Variants in MRTFB observed in about 807,000 individuals in gnomAD.
MRTFB encodes myocardin-related transcription factor B.
Under a neutral mutation model 104.2 loss-of-function variants are expected in MRTFB, and 29 were observed. That is an observed-to-expected ratio of 0.28 (90% CI 0.21 to 0.38). MRTFB has a LOEUF of 0.38. Ranked by LOEUF, MRTFB falls within the 10% of genes least tolerant of loss-of-function variation. The pLI is 1.00. For synonymous variants in MRTFB, 535 were observed against 519.5 expected (o/e 1.03, Z -0.41); for missense variants, 1,270 against 1,341.6 (o/e 0.95, Z 0.83).
rs984858124 is a variant in MRTFB at position 14,265,098 on chromosome 16, A to G, written c.*3654A>G. The G allele has an allele frequency of 1.3e-5, 2 of 152,178 alleles. No individual in the cohort carries two copies. Among genetic ancestry groups the G allele is most frequent in the Non-Finnish European group, 2.9e-5 (2 of 68,028 alleles). 9.4% of individuals were successfully genotyped at this position (152,178 alleles called of 1,614,324 possible). ...TATACATCCTCACTGGCTTCCATGC[A>G]CCCACCTGACGGTAGCCTCACAGAA... On this transcript the variant is annotated 3_prime_UTR_variant, in exon 17 of 17. Transcript: ENST00000571589.
chr16:14,255,643 G>A (rs538828286), intron 15 of MRTFB, among the ~76,000 whole-genome samples: 2 of 152,296 alleles, frequency 1.3e-5, no homozygotes, highest in South Asian at 4.1e-4. Context: ...AGCATGTGTA[G>A]ACAATACTTA....
chr16:14,127,088 C>T (rs1350963163), intron 2 of MRTFB, among the ~76,000 whole-genome samples: 1 of 152,144 alleles, frequency 6.6e-6, no homozygotes, highest in Non-Finnish European at 1.5e-5. Flanking sequence ...TGCCCATAGT[C>T]ACGATTTTTG....
the MRTFB span, among the ~76,000 whole-genome samples, chr16:14,037,317 T>C: frequency 6.6e-6 from 1 of 152,222 alleles, no homozygotes; most frequent in East Asian, 1.9e-4. Context: ...TGGTTATTGT[T>C]ATGGCAATGG....
intron 2 of MRTFB, among the ~76,000 whole-genome samples, chr16:14,112,159 GAAA>G (rs2036303167): frequency 6.6e-6 from 1 of 152,174 alleles, no homozygotes; most frequent in Admixed American, 6.5e-5. Context: ...CCCTGAAGCA[GAAA>G]GAGTAAGAGC....
In MRTFB at chr16:14,247,142, G is replaced by C; in HGVS notation, c.1882G>C (p.Asp628His). The change falls in exon 12 of 17, where the codon GAT becomes CAT. Residue 628 changes from aspartate to histidine, a missense_variant. Physicochemically the swap from Asp to His is moderately conservative, Grantham distance 81 (BLOSUM62 -1). Coordinates refer to ENST00000571589, the MANE Select transcript of MRTFB (RefSeq NM_001308142.2). Reference protein sequence around the residue: ...PSAPGHSVKSDQKHGSLGSSI... With the variant: ...PSAPGHSVKSHQKHGSLGSSI... ...TGCCCCAGGTCATTCTGTCAAGTCA[G>C]ATCAGAAGCACGGCAGCCTTGGCTC... 1.2e-6 allele frequency: 2 copies of C among 1,614,176 alleles called. No homozygotes were observed. Among genetic ancestry groups the C allele is most frequent in the Non-Finnish European group, 1.7e-6 (2 of 1,180,038 alleles).
At chr16:14,078,498 T>C (rs993700315) in intron 1 of MRTFB, among the ~76,000 whole-genome samples, 3 of 152,124 alleles carry the variant, frequency 2.0e-5, no homozygotes, top group South Asian at 2.1e-4. Context: ...GGCACAGTTA[T>C]GGCTTACTGC....
At chr16:14,153,635 T>A (rs955601144) in intron 3 of MRTFB, among the ~76,000 whole-genome samples, 20 of 152,176 alleles carry the variant, frequency 1.3e-4, no homozygotes, top group African/African-American at 4.1e-4. Flanking sequence ...ACTAAAAAAA[T>A]TTTAATTTGA....
the MRTFB span, among the ~76,000 whole-genome samples, chr16:14,059,368 C>T: frequency 6.6e-6 from 1 of 152,222 alleles, no homozygotes; most frequent in East Asian, 1.9e-4. Context: ...TCAACCTCTC[C>T]CTGCCCCCTC....
rs576689912 is a variant in MRTFB at position 14,080,198 on chromosome 16, C to A, written c.-64+844C>A. Among the ~76,000 whole-genome samples, 12 of 152,286 alleles carry A rather than the reference C, an allele frequency of 7.9e-5. No individual in the cohort carries two copies. In the South Asian group the frequency reaches 2.3e-3, roughly 29 times the overall value. ...TGTAACTGCTGGGTCAGAGATTATA[C>A]ACATTTAAAATGTTGAGACATGGCT... On this transcript the variant is annotated intron_variant, in intron 2 of 16. Transcript: ENST00000571589.
At chr16:14,227,303 A>G (rs2042050638) in intron 8 of MRTFB, among the ~76,000 whole-genome samples, 1 of 151,308 alleles carries the variant, frequency 6.6e-6, no homozygotes, top group African/African-American at 2.4e-5. Context: ...AAACAAAAAG[A>G]AAGAAAGAAA....
chr16:14,058,986 CT>C, the MRTFB span, among the ~76,000 whole-genome samples: 1 of 151,972 alleles, frequency 6.6e-6, no homozygotes, highest in African/African-American at 2.4e-5. Context: ...TCCCAAAGTG[CT>C]GGGATTACAG....
intron 3 of MRTFB, among the ~76,000 whole-genome samples, chr16:14,205,817 C>T (rs559210591): frequency 3.3e-5 from 5 of 152,266 alleles, no homozygotes; most frequent in Non-Finnish European, 5.9e-5. Context: ...ACTAAGAAGA[C>T]GGAGGCTATG....
At chr16:14,172,590 T>A (rs2039458741) in intron 3 of MRTFB, among the ~76,000 whole-genome samples, 1 of 152,166 alleles carries the variant, frequency 6.6e-6, no homozygotes, top group Non-Finnish European at 1.5e-5. Context: ...ATGTGTAGTT[T>A]TGTTAGACAT....
intron 2 of MRTFB, among the ~76,000 whole-genome samples, chr16:14,137,862 G>A (rs769146888): frequency 1.3e-5 from 2 of 151,964 alleles, no homozygotes; most frequent in East Asian, 1.9e-4. Context: ...TTTAATTAGA[G>A]CGTTGAGACC....
the MRTFB span, among the ~76,000 whole-genome samples, chr16:14,017,171 G>C: frequency 7.3e-5 from 11 of 150,078 alleles, no homozygotes; most frequent in African/African-American, 1.7e-4. Context: ...ATTCTCCTGC[G>C]TCAGCCTCCC....
the MRTFB span, among the ~76,000 whole-genome samples, chr16:14,057,139 C>T: frequency 2.6e-5 from 4 of 152,084 alleles, no homozygotes; most frequent in South Asian, 2.1e-4. Context: ...TATACTTTAT[C>T]GGCAGTGGGG....
the MRTFB span, among the ~76,000 whole-genome samples, chr16:13,998,871 CAAAAAAAAAAAAAAAAAAA>C: frequency 5.0e-3 from 148 of 29,684 alleles, 1 homozygote; most frequent in South Asian, 0.012. Flanking sequence ...GACTCTGTTT[CAAAAAAAAAAAAAAAAAAA>C]AAAAAAAAAA....
At chr16:14,238,003 T>A (rs2042596876) in intron 9 of MRTFB, among the ~76,000 whole-genome samples, 1 of 152,126 alleles carries the variant, frequency 6.6e-6, no homozygotes, top group Non-Finnish European at 1.5e-5. Flanking sequence ...TGGTTTTATG[T>A]TTTTCCTGTA....
intron 3 of MRTFB, among the ~76,000 whole-genome samples, chr16:14,184,588 A>G (rs547407109): frequency 4.1e-4 from 62 of 152,242 alleles, no homozygotes; most frequent in African/African-American, 1.2e-3. Flanking sequence ...TTGCAGTAGG[A>G]TAGCATACAG....
Sources: gnomAD v4.1 joint callset for allele counts (sites outside exome capture counted in the v4.1 genomes callset) on GRCh38, gnomAD v4.1.1 for gene constraint, MANE v1.5 for transcripts, NCBI Gene and HGNC (gene_info 2026-07-23, HGNC 2026-07-21) for gene names.